ADGRB3: variants seen among roughly 807,000 people sequenced by gnomAD.
ADGRB3 encodes brain-specific angiogenesis inhibitor 3.
A neutral mutation model predicts 193.4 loss-of-function variants in ADGRB3; 37 were observed. The observed-to-expected ratio is 0.19, with a 90% CI of 0.15 to 0.25. The LOEUF (loss-of-function observed/expected upper bound fraction) is 0.25. Among genes scored for constraint, ADGRB3 ranks in the 10% least tolerant of loss-of-function variants. The pLI is 1.00. For synonymous variants in ADGRB3, 690 were observed against 644.2 expected, an observed-to-expected ratio of 1.07 and a Z score of -1.08; for missense variants, 1,637 against 1,852.9, an observed-to-expected ratio of 0.88 and a Z score of 2.14.
chr6:68,938,968 A>G (rs1276816836), intron 5 of ADGRB3, among the ~76,000 whole-genome samples: 1 of 152,178 alleles, frequency 6.6e-6, no homozygotes, highest in Non-Finnish European at 1.5e-5. Flanking sequence ...TGTGAGTCTG[A>G]GTGGATTGGA....
intron 15 of ADGRB3, among the ~76,000 whole-genome samples, chr6:69,057,606 T>C (rs191019853): frequency 1.3e-5 from 2 of 152,116 alleles, no homozygotes. Context: ...GATAATTTCT[T>C]CATATTCCTG....
At chr6:69,305,261 C>T (rs1376225588) in intron 20 of ADGRB3, among the ~76,000 whole-genome samples, 1 of 151,552 alleles carries the variant, frequency 6.6e-6, no homozygotes, top group Non-Finnish European at 1.5e-5. Context: ...ATTTACTTAA[C>T]ACAAAGTTAA....
intron 24 of ADGRB3, among the ~76,000 whole-genome samples, chr6:69,338,022 C>G (rs980656934): frequency 6.6e-6 from 1 of 151,992 alleles, no homozygotes; most frequent in African/African-American, 2.4e-5. Context: ...TTGGTTTTTC[C>G]TAAAAGGTTT....
chr6:68,858,610 A>C (rs1042387586), intron 3 of ADGRB3, among the ~76,000 whole-genome samples: 4 of 149,784 alleles, frequency 2.7e-5, no homozygotes, highest in East Asian at 1.9e-4. Flanking sequence ...AAAAAAAAAA[A>C]ACACAGCATA....
chr6:68,961,280 A>G (rs913239062), intron 8 of ADGRB3, among the ~76,000 whole-genome samples: 1 of 152,182 alleles, frequency 6.6e-6, no homozygotes, highest in Non-Finnish European at 1.5e-5. Flanking sequence ...GAGCAGGAGA[A>G]ACAACTTGGG....
rs1768753956 is a variant in ADGRB3 at position 69,332,593 on chromosome 6, A to G, written c.3103-330A>G. On this transcript the variant is annotated intron_variant, in intron 23 of 31. Transcript: ENST00000370598. ...AGGGTAAAACTGCTTTAGCCAAATG[A>G]TTTTACTCAGGGTTGACTCAGACAG... 3 of 985,266 alleles carry G rather than the reference A, an allele frequency of 3.0e-6. No homozygotes were observed. In the African/African-American group the frequency reaches 5.2e-5, roughly 17 times the overall value. The allele number at this position is 985,266 out of a possible 1,614,324, so 61.0% of individuals were successfully genotyped here. A position where few individuals can be genotyped will look rare whatever the true frequency, so the allele number is the denominator to read the frequency against.
chr6:69,040,353 CTTTCTT>C (rs1554251283), intron 13 of ADGRB3, among the ~76,000 whole-genome samples: 6 of 56,160 alleles, frequency 1.1e-4, no homozygotes, highest in Non-Finnish European at 1.8e-4. Context: ...TTCTTTCTTT[CTTTCTT>C]TCTTTCTTTC....
At chr6:68,648,774 ATT>A (rs1768278052) in intron 3 of ADGRB3, among the ~76,000 whole-genome samples, 1 of 148,406 alleles carries the variant, frequency 6.7e-6, no homozygotes, top group African/African-American at 2.5e-5. Context: ...TTTTAAGGTG[ATT>A]TTTAAAATTT....
rs140979860 is a variant in ADGRB3 at position 69,155,276 on chromosome 6, A to G, written c.2481-78014A>G. Among the ~76,000 whole-genome samples the G allele has an allele frequency of 1.6e-4, 24 of 152,276 alleles. No homozygotes were observed. In the East Asian group the frequency reaches 3.5e-3, roughly 22 times the overall value. On this transcript the variant is annotated intron_variant, in intron 17 of 31. Transcript: ENST00000370598. ...TCCCAGCCACATCTCCCCAAATACT[A>G]CTTCCATTCTCCATTAACTTCAAGA...
chr6:68,944,758 T>C (rs7759377), intron 6 of ADGRB3, among the ~76,000 whole-genome samples: 19,884 of 152,122 alleles, frequency 0.13, 1,354 homozygotes, highest in African/African-American at 0.15. Flanking sequence ...TTACAAGTTA[T>C]AGAAGAAAAT....
intron 13 of ADGRB3, among the ~76,000 whole-genome samples, chr6:69,029,862 G>A (rs908365444): frequency 7.9e-5 from 12 of 151,352 alleles, no homozygotes; most frequent in African/African-American, 2.9e-4. Flanking sequence ...AAATTTACAA[G>A]AAAAGAACAA....
At chr6:68,765,537 G>GACACACACACACACAC (rs59919588) in intron 3 of ADGRB3, among the ~76,000 whole-genome samples, 262 of 143,548 alleles carry the variant, frequency 1.8e-3, no homozygotes, top group East Asian at 4.4e-3. Flanking sequence ...TATTCTTATA[G>GACACACACACACACAC]ACACACACAC....
intron 17 of ADGRB3, among the ~76,000 whole-genome samples, chr6:69,157,685 A>C (rs1361889755): frequency 6.7e-6 from 1 of 150,350 alleles, no homozygotes; most frequent in Admixed American, 6.7e-5. Context: ...TGCCATTGAA[A>C]GTAATATCTC....
At chr6:68,876,696 G>C (rs1359854169) in intron 3 of ADGRB3, among the ~76,000 whole-genome samples, 2 of 152,074 alleles carry the variant, frequency 1.3e-5, no homozygotes, top group Admixed American at 6.5e-5. Flanking sequence ...TGTACCAAAA[G>C]CAACATTTCA....
chr6:69,341,608 A>G (rs977674239), intron 26 of ADGRB3, among the ~76,000 whole-genome samples: 2 of 152,194 alleles, frequency 1.3e-5, no homozygotes, highest in African/African-American at 4.8e-5. Context: ...GAATATCAGC[A>G]TTAAAAATCT....
intron 17 of ADGRB3, among the ~76,000 whole-genome samples, chr6:69,142,739 C>G (rs1335065745): frequency 6.6e-6 from 1 of 152,182 alleles, no homozygotes; most frequent in Admixed American, 6.5e-5. Flanking sequence ...GGCAGATGAA[C>G]AGCAGTTTTG....
At chr6:69,145,274 G>A (rs758142355) in intron 17 of ADGRB3, among the ~76,000 whole-genome samples, 9 of 152,230 alleles carry the variant, frequency 5.9e-5, no homozygotes, top group Admixed American at 1.3e-4. Context: ...GGCTGCGGTA[G>A]GGTGGGCAGC....
intron 3 of ADGRB3, among the ~76,000 whole-genome samples, chr6:68,719,993 C>T (rs751231323): frequency 5.9e-5 from 9 of 151,670 alleles, no homozygotes; most frequent in Non-Finnish European, 1.0e-4. Context: ...GTTTCAACAA[C>T]TCATTTAGGT....
intron 24 of ADGRB3, among the ~76,000 whole-genome samples, chr6:69,335,519 T>C (rs1298328431): frequency 6.6e-6 from 1 of 152,126 alleles, no homozygotes; most frequent in Non-Finnish European, 1.5e-5. Context: ...ATTATATTTC[T>C]AATATAAAGT....
Sources: gnomAD v4.1 joint callset for allele counts (sites outside exome capture counted in the v4.1 genomes callset) on GRCh38, gnomAD v4.1.1 for gene constraint, MANE v1.5 for transcripts, NCBI Gene and HGNC (gene_info 2026-07-23, HGNC 2026-07-21) for gene names.